The following MECOM variants were observed in gnomAD, a reference collection of about 807,000 sequenced individuals.
MECOM encodes the protein MDS1 and EVI1 complex locus, also known as histone-lysine N-methyltransferase MECOM.
In MECOM, 13 loss-of-function variants were observed where a neutral mutation model predicts 116.3. That is an observed-to-expected ratio of 0.11 (90% CI 0.07 to 0.18). MECOM has a LOEUF of 0.18. Among genes scored for constraint, MECOM ranks in the 10% least tolerant of loss-of-function variants. The pLI, the probability that MECOM is intolerant of heterozygous loss-of-function variation, is 1.00. For missense variants in MECOM, 1,299 were observed against 1,509.0 expected (o/e 0.86, Z 2.31); for synonymous variants, 528 against 535.2 (o/e 0.99, Z 0.19).
chr3:169,335,023 C>T (rs1723366307), intron 2 of MECOM, among the ~76,000 whole-genome samples: 1 of 152,100 alleles, frequency 6.6e-6, no homozygotes, highest in Non-Finnish European at 1.5e-5. Context: ...TGGCCTGTGG[C>T]AAATAAGAAA....
At chr3:169,578,343 G>A (rs1008160804) in intron 1 of MECOM, among the ~76,000 whole-genome samples, 4 of 152,122 alleles carry the variant, frequency 2.6e-5, no homozygotes, top group African/African-American at 9.7e-5. Context: ...TTACTATGGA[G>A]CATAAATTTT....
chr3:169,251,695 G>A (rs1756256911), intron 2 of MECOM, among the ~76,000 whole-genome samples: 1 of 152,132 alleles, frequency 6.6e-6, no homozygotes, highest in Non-Finnish European at 1.5e-5. Context: ...ATGAAATGTG[G>A]ACCGCACTAC....
intron 1 of MECOM, among the ~76,000 whole-genome samples, chr3:169,421,687 T>C (rs79928271): frequency 6.8e-5 from 10 of 147,052 alleles, no homozygotes; most frequent in Non-Finnish European, 1.2e-4. Context: ...TTTGTTTTTT[T>C]AAAAAAAAAA....
At chr3:169,145,120 A>T (rs1739390622) in intron 2 of MECOM, 1 of 1,057,688 alleles carries the variant, frequency 9.5e-7, no homozygotes, top group Non-Finnish European at 1.4e-6. Context: ...AGAAAAATCG[A>T]ACATAAGATA....
intron 14 of MECOM, 133 bp from the exon 15 acceptor site, chr3:169,090,369 G>A: frequency 1.3e-6 from 1 of 742,584 alleles, no homozygotes; most frequent in Non-Finnish European, 2.1e-6. Context: ...TATTGTTTAT[G>A]CTCTACGTCA....
intron 1 of MECOM, among the ~76,000 whole-genome samples, chr3:169,563,677 C>T (rs1413676071): frequency 6.6e-6 from 1 of 152,072 alleles, no homozygotes; most frequent in Non-Finnish European, 1.5e-5. Flanking sequence ...ATAATAGTTC[C>T]GGTGTGAAGG....
chr3:169,498,084 A>G (rs1426264717), intron 1 of MECOM, among the ~76,000 whole-genome samples: 1 of 152,182 alleles, frequency 6.6e-6, no homozygotes, highest in Non-Finnish European at 1.5e-5. Flanking sequence ...CTTCTTCATT[A>G]ATGTTTAATC....
chr3:169,395,313 G>A (rs1262095547), intron 1 of MECOM, among the ~76,000 whole-genome samples: 4 of 152,142 alleles, frequency 2.6e-5, no homozygotes, highest in Admixed American at 6.5e-5. Context: ...GAAAACATCA[G>A]CCAAAGCACA....
chr3:169,528,828 T>G (rs1190351001), intron 1 of MECOM, among the ~76,000 whole-genome samples: 1 of 152,228 alleles, frequency 6.6e-6, no homozygotes, highest in African/African-American at 2.4e-5. Flanking sequence ...TTAAAACATT[T>G]GCAGGCAAAC....
chr3:169,105,349 GA>G (rs1725025941), intron 10 of MECOM, among the ~76,000 whole-genome samples: 1 of 152,084 alleles, frequency 6.6e-6, no homozygotes, highest in African/African-American at 2.4e-5. Context: ...GAACTCTATT[GA>G]GTGCACAGAT....
rs139704601 is a variant in MECOM, at chr3:169,155,309, T to C, written c.376-11477A>G. 2.5e-3 allele frequency among the ~76,000 whole-genome samples: 375 copies of C among 152,272 alleles called. 2 individuals carry two copies. Among genetic ancestry groups the C allele is most frequent in the African/African-American group, 7.8e-3 (323 of 41,550 alleles). On this transcript the variant is annotated intron_variant, in intron 2 of 16. Coordinates refer to ENST00000651503, the MANE Select transcript of MECOM (RefSeq NM_004991.4). Reference sequence around the variant, plus strand: ...ATATTGCCATACTTGCCTTACCCCATGTTTCCATTTCTTTACCATCTCTCT... The same window carrying C: ...ATATTGCCATACTTGCCTTACCCCACGTTTCCATTTCTTTACCATCTCTCT...
intron 2 of MECOM, among the ~76,000 whole-genome samples, chr3:169,321,804 T>C (rs368539998): frequency 1.3e-5 from 2 of 152,072 alleles, no homozygotes; most frequent in East Asian, 1.9e-4. Context: ...ACATGAGACA[T>C]GGCACTAGAA....
rs577460830 is a variant in MECOM, at chr3:169,631,365, A to G, written c.37+31971T>C. ...ATAGAGGGAATCATAAAAAGAGAGA[A>G]GACAAAACAATATTAATAAATTCTA... On this transcript the variant is annotated intron_variant, in intron 1 of 16. Coordinates refer to ENST00000651503, the MANE Select transcript of MECOM (RefSeq NM_004991.4). Among the ~76,000 whole-genome samples, 33 of 152,374 alleles carry G rather than the reference A, an allele frequency of 2.2e-4. 1 individual carries two copies. The South Asian group carries it at 6.8e-3, about 32-fold the overall frequency.
At chr3:169,504,925 G>T (rs1215559350) in intron 1 of MECOM, among the ~76,000 whole-genome samples, 3 of 152,150 alleles carry the variant, frequency 2.0e-5, no homozygotes, top group Admixed American at 2.0e-4. Flanking sequence ...CTGGCTGATT[G>T]CATCTGCATT....
At chr3:169,459,708 A>G (rs1377898624) in intron 1 of MECOM, among the ~76,000 whole-genome samples, 1 of 152,028 alleles carries the variant, frequency 6.6e-6, no homozygotes, top group Non-Finnish European at 1.5e-5. Context: ...CAAATCCTAC[A>G]TTTGCTTATC....
intron 2 of MECOM, among the ~76,000 whole-genome samples, chr3:169,373,239 T>C (rs1239071907): frequency 1.3e-5 from 2 of 152,050 alleles, no homozygotes; most frequent in Non-Finnish European, 2.9e-5. Flanking sequence ...CTTGGTTGGA[T>C]AAATACTGGT....
intron 2 of MECOM, among the ~76,000 whole-genome samples, chr3:169,210,274 A>G (rs1750542604): frequency 6.6e-6 from 1 of 152,148 alleles, no homozygotes; most frequent in South Asian, 2.1e-4. Context: ...GATGCAGCCA[A>G]CCACCATGGC....
chr3:169,227,661 A>T (rs1428317304), intron 2 of MECOM, among the ~76,000 whole-genome samples: 1 of 152,218 alleles, frequency 6.6e-6, no homozygotes, highest in Admixed American at 6.5e-5. Flanking sequence ...CTTTTGCCCA[A>T]GAAATGCGTT....
intron 2 of MECOM, among the ~76,000 whole-genome samples, chr3:169,377,548 G>A (rs934603450): frequency 6.6e-6 from 1 of 152,162 alleles, no homozygotes; most frequent in African/African-American, 2.4e-5. Context: ...AGACATTTAT[G>A]TGGCCAACAA....
Sources: gnomAD v4.1 joint callset for allele counts (sites outside exome capture counted in the v4.1 genomes callset) on GRCh38, gnomAD v4.1.1 for gene constraint, MANE v1.5 for transcripts, NCBI Gene and HGNC (gene_info 2026-07-23, HGNC 2026-07-21) for gene names.